Variants in ZDHHC5 observed in about 807,000 individuals in gnomAD.
The protein encoded by ZDHHC5 is palmitoyltransferase ZDHHC5.
In ZDHHC5, 22 loss-of-function variants were observed where a neutral mutation model predicts 70.0. That is an observed-to-expected ratio of 0.31 (90% CI 0.22 to 0.45). The LOEUF is 0.45. Among genes scored for constraint, ZDHHC5 ranks in the 20% least tolerant of loss-of-function variants. The pLI is 1.00. For missense variants in ZDHHC5, 746 were observed against 926.9 expected, an observed-to-expected ratio of 0.80 and a Z score of 2.53; for synonymous variants, 313 against 347.8, an observed-to-expected ratio of 0.90 and a Z score of 1.11.
In ZDHHC5 at chr11:57,699,362, C is replaced by A. The variant is rs540728880; in HGVS notation, c.1926C>A (p.Ala642=). 10 of 1,608,200 alleles carry A rather than the reference C, an allele frequency of 6.2e-6. No homozygotes were observed. The highest frequency in any genetic ancestry group is 1.3e-5 in the African/African-American group (1 of 74,924). Residue 642 remains alanine (A), a synonymous_variant, in exon 11 of 12, where the codon GCC becomes GCA. Coordinates refer to ENST00000287169, the MANE Select transcript of ZDHHC5 (RefSeq NM_015457.3). ...CGATGTCTTACAGCAGCCAAAAAGC[C>A]CAACCTGGTGTCTCTGAGACAGAAG... ...GRSMSYSSQK[A]QPGVSETEEV...
chr11:57,685,008 CATG>C (rs1296609376), intron 3 of ZDHHC5, among the ~76,000 whole-genome samples: 3 of 151,918 alleles, frequency 2.0e-5, no homozygotes, highest in Non-Finnish European at 4.4e-5. Flanking sequence ...ATTAGCCCGA[CATG>C]GTGGTGGGTG....
At chr11:57,681,398 G>A (rs1946148493) in intron 2 of ZDHHC5, 1 of 152,172 alleles carries the variant, frequency 6.6e-6, no homozygotes, top group Admixed American at 6.5e-5. Context: ...CCTCATTCTG[G>A]AGATTAAGTT....
chr11:57,674,644 A>G lies in ZDHHC5; in HGVS notation c.104+1450A>G, dbSNP rs555028298. Reference sequence around the variant, plus strand: ...TATTGGGGTGGAGGCAATTATACACAAGTTAAATCTGAGGTAGGAGGGAAG... The same window carrying G: ...TATTGGGGTGGAGGCAATTATACACGAGTTAAATCTGAGGTAGGAGGGAAG... On this transcript the variant is annotated intron_variant, in intron 2 of 11. Coordinates refer to ENST00000287169, the MANE Select transcript of ZDHHC5 (RefSeq NM_015457.3). Among the ~76,000 whole-genome samples, 3 of 152,328 alleles carry G rather than the reference A, an allele frequency of 2.0e-5. No individual in the cohort carries two copies. In the South Asian group the frequency reaches 6.2e-4, roughly 32 times the overall value.
At chr11:57,685,055 G>T (rs1423036813) in intron 3 of ZDHHC5, among the ~76,000 whole-genome samples, 2 of 152,320 alleles carry the variant, frequency 1.3e-5, no homozygotes, top group East Asian at 3.9e-4. Context: ...GGCTGAGGCA[G>T]GAGAATCGCT....
intron 6 of ZDHHC5, 80 bp from the exon 7 acceptor site, chr11:57,692,531 T>A: frequency 8.1e-7 from 1 of 1,237,616 alleles, no homozygotes; most frequent in Non-Finnish European, 1.2e-6. Context: ...GAGTGCACAA[T>A]AACTTGTAAT....
In ZDHHC5 at chr11:57,698,564, T is replaced by C. The variant is rs766628269; in HGVS notation, c.1128T>C (p.Ser376=). The change falls in exon 11 of 12, where the codon AGT becomes AGC. Residue 376 remains serine, a synonymous_variant. Transcript: ENST00000287169. ...TGCTTTACTTTCTTCCTCAGTTGAG[T>C]CGTGGGGACAGCTTGAAGGAGCCAA... The part of the protein sequence containing the change: ...AMPHSSSAKL[S]RGDSLKEPTS... 6.2e-7 allele frequency: 1 copy of C among 1,600,936 alleles called. No individual in the cohort carries two copies. Among genetic ancestry groups the C allele is most frequent in the Admixed American group, 1.7e-5 (1 of 58,330 alleles).
At chr11:57,678,784 C>CTGAAG (rs1453597163) in intron 2 of ZDHHC5, among the ~76,000 whole-genome samples, 2 of 151,898 alleles carry the variant, frequency 1.3e-5, no homozygotes, top group African/African-American at 4.8e-5. Context: ...GAGGGTAAGG[C>CTGAAG]TGAAGGGTTG....
At chr11:57,697,174 C>CAA (rs1266925039) in intron 10 of ZDHHC5, among the ~76,000 whole-genome samples, 1 of 150,542 alleles carries the variant, frequency 6.6e-6, no homozygotes, top group African/African-American at 2.4e-5. Flanking sequence ...ACTAAAAATA[C>CAA]AAAAATTGCC....
In ZDHHC5 at chr11:57,695,850, C is replaced by G. The variant is rs1035843689; in HGVS notation, c.886-70C>G. On this transcript the variant is annotated intron_variant, in intron 8 of 11. Transcript: ENST00000287169. ...ACTCCCAAATACCTCCCTCTTATAT[C>G]AATTTAATACTTTGAGTTGCCATAA... is the stretch of plus-strand genomic sequence containing the variant. The G allele has an allele frequency of 2.6e-6, 4 of 1,535,918 alleles. No homozygotes were observed. The African/African-American group carries it at 4.2e-5, about 16-fold the overall frequency.
Position 57,672,508 on chromosome 11 carries a change from C to T in ZDHHC5, c.-583C>T. ...GAGACAAAGACTGCAGTAAACAAAG[C>T]TCCTCTTTAAAGTTGGAAGGGGCCT... On this transcript the variant is annotated 5_prime_UTR_variant, in exon 2 of 12. Coordinates refer to ENST00000287169, the MANE Select transcript of ZDHHC5 (RefSeq NM_015457.3). 1 of 343,390 alleles carries T rather than the reference C, an allele frequency of 2.9e-6. No homozygotes were observed. The highest frequency in any genetic ancestry group is 5.2e-6 in the Non-Finnish European group (1 of 192,202). 21.3% of individuals were successfully genotyped at this position (343,390 alleles called of 1,614,324 possible). A position where few individuals can be genotyped will look rare whatever the true frequency, so the allele number is the denominator to read the frequency against.
At chr11:57,691,222 T>A (rs1375590475) in intron 6 of ZDHHC5, among the ~76,000 whole-genome samples, 3 of 152,062 alleles carry the variant, frequency 2.0e-5, no homozygotes, top group African/African-American at 7.2e-5. Flanking sequence ...CAGATGTGCA[T>A]CACCACGCCC....
intron 2 of ZDHHC5, among the ~76,000 whole-genome samples, chr11:57,678,663 G>A (rs1946106723): frequency 6.6e-6 from 1 of 151,452 alleles, no homozygotes; most frequent in African/African-American, 2.4e-5. Flanking sequence ...GAGGATCGCT[G>A]AGCCCAGGAG....
rs1183512442 is a variant in ZDHHC5, at chr11:57,672,345, A to C, written c.-746A>C. On this transcript the variant is annotated 5_prime_UTR_variant, in exon 2 of 12. Transcript: ENST00000287169. ...TTTCCTTGCCCCTTCAAAGAAAAGG[A>C]TTTACAGCTCAAACTTAGAACAGCT... 3 of 397,142 alleles carry C rather than the reference A, an allele frequency of 7.6e-6. No homozygotes were observed. Among genetic ancestry groups the C allele is most frequent in the Non-Finnish European group, 1.3e-5 (3 of 225,690 alleles). The allele number at this position is 397,142 out of a possible 1,614,324, so 24.6% of individuals were successfully genotyped here. A position where few individuals can be genotyped will look rare whatever the true frequency, so the allele number is the denominator to read the frequency against.
At chr11:57,668,705 A>G (rs1945959742) in intron 1 of ZDHHC5, 1 of 152,508 alleles carries the variant, frequency 6.6e-6, no homozygotes, top group Admixed American at 6.5e-5. Context: ...TTTTGGCTCA[A>G]GCTTCATCCT....
intron 1 of ZDHHC5, 50 bp downstream of exon 1, chr11:57,668,237 C>T (rs1161532225): frequency 8.6e-6 from 3 of 350,642 alleles, no homozygotes; most frequent in East Asian, 4.3e-5. Flanking sequence ...GCCGTACCAG[C>T]GAGGTGGGAG....
chr11:57,695,440 T>G (rs1410144419), intron 8 of ZDHHC5, among the ~76,000 whole-genome samples: 1 of 151,952 alleles, frequency 6.6e-6, no homozygotes, highest in Non-Finnish European at 1.5e-5. Flanking sequence ...ACCCAACTTT[T>G]CTTCATCTAA....
chr11:57,696,776 C>A lies in ZDHHC5; in HGVS notation c.1025C>A (p.Ala342Asp), dbSNP rs1313894788. 6.2e-7 allele frequency: 1 copy of A among 1,613,776 alleles called. No homozygotes were observed. Among genetic ancestry groups the A allele is most frequent in the Non-Finnish European group, 8.5e-7 (1 of 1,179,772 alleles). Reference sequence around the variant, plus strand: ...TTTCTTGCAGATAGTAGCTTATTGGCCAAGGACAGCCCCCCGACACCTACC... The same window carrying A: ...TTTCTTGCAGATAGTAGCTTATTGGACAAGGACAGCCCCCCGACACCTACC... ...LATNEDSSLL[A>D]KDSPPTPTMY... The change falls in exon 10 of 12, where the codon GCC becomes GAC. Residue 342 changes from alanine to aspartate, a missense_variant. Physicochemically the swap from Ala to Asp is moderately radical, Grantham distance 126. Coordinates refer to ENST00000287169, the MANE Select transcript of ZDHHC5 (RefSeq NM_015457.3).
At chr11:57,693,690 A>T (rs1021784189) in intron 7 of ZDHHC5, 93 bp from the exon 8 acceptor site, 2 of 1,434,764 alleles carry the variant, frequency 1.4e-6, no homozygotes, top group Admixed American at 5.9e-5. Flanking sequence ...CCAACCTAAT[A>T]AAAATGGTTT....
chr11:57,673,177 A>G lies in ZDHHC5; in HGVS notation c.87A>G (p.Thr29=), dbSNP rs1344488725. 6.2e-7 allele frequency: 1 copy of G among 1,613,354 alleles called. No individual in the cohort carries two copies. The highest frequency in any genetic ancestry group is 8.5e-7 in the Non-Finnish European group (1 of 1,179,706). The change falls in exon 2 of 12, where the codon ACA becomes ACG. Residue 29 remains threonine (T), a synonymous_variant. Transcript: ENST00000287169. ...CCATCTTCCTAGTGGGAGCTACGACACTCTTCTTTGCCTTTACGTGAGTTT... is the reference window on the plus strand; with the variant it reads ...CCATCTTCCTAGTGGGAGCTACGACGCTCTTCTTTGCCTTTACGTGAGTTT... The part of the protein sequence containing the change: ...AAAIFLVGAT[T]LFFAFTCPGL...
Sources: gnomAD v4.1 joint callset for allele counts (sites outside exome capture counted in the v4.1 genomes callset) on GRCh38, gnomAD v4.1.1 for gene constraint, MANE v1.5 for transcripts, NCBI Gene and HGNC (gene_info 2026-07-23, HGNC 2026-07-21) for gene names.